The following CLEC9A variants were observed in gnomAD, a reference collection of about 807,000 sequenced individuals.
CLEC9A encodes C-type lectin domain family 9 member A.
In CLEC9A, 24 loss-of-function variants were observed where a neutral mutation model predicts 30.0. The ratio of observed to expected loss-of-function variants is 0.80; its 90% CI spans 0.58 to 1.13. The LOEUF is 1.13. Among genes scored for constraint, CLEC9A ranks in the 50% most tolerant of loss-of-function variants. The probability of loss-of-function intolerance (pLI) is 0.00; values close to 1 mark genes in which losing one functional copy is unlikely to be tolerated. For missense variants in CLEC9A, 251 were observed against 280.9 expected, an observed-to-expected ratio of 0.89 and a Z score of 0.76; for synonymous variants, 111 against 96.8, an observed-to-expected ratio of 1.15 and a Z score of -0.86.
In CLEC9A at chr12:10,063,035, T is replaced by A. The variant is rs370303850; in HGVS notation, c.320-20T>A. On this transcript the variant is annotated intron_variant, in intron 6 of 8. Coordinates refer to ENST00000355819, the MANE Select transcript of CLEC9A (RefSeq NM_207345.4). Reference sequence around the variant, plus strand: ...AATATTTTACAATAAGATACTAAAGTAAAATGTTTATATTCAAAGCCCATA... The same window carrying A: ...AATATTTTACAATAAGATACTAAAGAAAAATGTTTATATTCAAAGCCCATA... 1.9e-6 allele frequency: 3 copies of A among 1,573,488 alleles called. No individual in the cohort carries two copies. Among genetic ancestry groups the A allele is most frequent in the Non-Finnish European group, 2.6e-6 (3 of 1,166,200 alleles).
At chr12:10,031,652 G>C (rs1200908147) in intron 1 of CLEC9A, among the ~76,000 whole-genome samples, 1 of 152,168 alleles carries the variant, frequency 6.6e-6, no homozygotes, top group Non-Finnish European at 1.5e-5. Context: ...ACCAGGTGCA[G>C]TTAGTTACAC....
At chr12:10,042,090 G>A (rs1865802576) in intron 2 of CLEC9A, among the ~76,000 whole-genome samples, 1 of 152,168 alleles carries the variant, frequency 6.6e-6, no homozygotes, top group South Asian at 2.1e-4. Flanking sequence ...TGTATATCCT[G>A]AATTTGTATT....
intron 2 of CLEC9A, among the ~76,000 whole-genome samples, chr12:10,043,713 C>T (rs1448502673): frequency 1.3e-5 from 2 of 151,736 alleles, no homozygotes; most frequent in Non-Finnish European, 2.9e-5. Context: ...GATGGAGTCT[C>T]GCTCTATCAC....
chr12:10,038,031 G>A (rs761990194), intron 1 of CLEC9A, among the ~76,000 whole-genome samples: 63 of 152,224 alleles, frequency 4.1e-4, no homozygotes, highest in South Asian at 2.1e-3. Flanking sequence ...TTCAAGAACA[G>A]AAGCTGTGGT....
intron 2 of CLEC9A, among the ~76,000 whole-genome samples, chr12:10,047,990 T>A (rs1400397504): frequency 1.3e-5 from 2 of 151,586 alleles, no homozygotes; most frequent in Non-Finnish European, 2.9e-5. Context: ...TCCCAGCACT[T>A]TGGGAGGCCG....
In CLEC9A at chr12:10,052,418, C is replaced by T. The variant is rs370481850; in HGVS notation, c.-58-212C>T. ...TCAACATCTGCTACATTTTGGAAAC[C>T]GGATAAAAAAATGTTCTATCATTGG... On this transcript the variant is annotated intron_variant, in intron 3 of 8. Transcript: ENST00000355819. 46 of 911,132 alleles carry T rather than the reference C, an allele frequency of 5.0e-5. 1 individual carries two copies. The highest frequency in any genetic ancestry group is 2.5e-4 in the East Asian group (5 of 19,814). 56.4% of individuals were successfully genotyped at this position (911,132 alleles called of 1,614,324 possible).
intron 2 of CLEC9A, among the ~76,000 whole-genome samples, chr12:10,051,376 C>CG (rs1865891841): frequency 6.6e-6 from 1 of 152,052 alleles, no homozygotes; most frequent in East Asian, 1.9e-4. Context: ...TTAATTGAGC[C>CG]AATAGAAGGC....
chr12:10,050,885 C>G (rs549211960), intron 2 of CLEC9A, among the ~76,000 whole-genome samples: 1 of 152,226 alleles, frequency 6.6e-6, no homozygotes, highest in East Asian at 1.9e-4. Flanking sequence ...ATTCGAATCT[C>G]AGGTCACATG....
At chr12:10,062,635 A>C (rs1415964714) in intron 6 of CLEC9A, among the ~76,000 whole-genome samples, 2 of 152,216 alleles carry the variant, frequency 1.3e-5, no homozygotes, top group African/African-American at 4.8e-5. Context: ...ACATAAATTC[A>C]GGGCTTATTA....
At chr12:10,044,779 A>C (rs572351509) in intron 2 of CLEC9A, among the ~76,000 whole-genome samples, 3 of 152,042 alleles carry the variant, frequency 2.0e-5, no homozygotes, top group African/African-American at 7.2e-5. Context: ...TACTGGCATC[A>C]CCCCACTGAA....
intron 5 of CLEC9A, among the ~76,000 whole-genome samples, chr12:10,057,715 A>G (rs898364590): frequency 2.0e-4 from 30 of 152,160 alleles, no homozygotes; most frequent in African/African-American, 6.7e-4. Context: ...AAGAGTTTCA[A>G]TAGATATAAA....
At chr12:10,061,324 A>G in intron 6 of CLEC9A, 51 bp downstream of exon 6, 1 of 1,482,570 alleles carries the variant, frequency 6.7e-7, no homozygotes, top group South Asian at 1.3e-5. Flanking sequence ...ATATACACCA[A>G]TACCTCAAAA....
intron 2 of CLEC9A, 65 bp downstream of exon 2, chr12:10,041,685 A>T (rs146631157): frequency 1.9e-6 from 1 of 516,344 alleles, no homozygotes; most frequent in Non-Finnish European, 3.9e-6. Flanking sequence ...GTAACATTTG[A>T]CCTTTTTTGT....
At chr12:10,035,816 G>A (rs936910364) in intron 1 of CLEC9A, among the ~76,000 whole-genome samples, 5 of 152,112 alleles carry the variant, frequency 3.3e-5, no homozygotes, top group Admixed American at 3.3e-4. Context: ...TGTTGCACAA[G>A]GTGATCTCAA....
chr12:10,059,707 G>C (rs1348931274), intron 5 of CLEC9A, among the ~76,000 whole-genome samples: 1 of 152,076 alleles, frequency 6.6e-6, no homozygotes, highest in Non-Finnish European at 1.5e-5. Flanking sequence ...AGGAGTTCAA[G>C]ACCATCCTGA....
rs1865803203 is a variant in CLEC9A at position 10,042,168 on chromosome 12, G to T, written c.-163+548G>T. On this transcript the variant is annotated intron_variant, in intron 2 of 8. Coordinates refer to ENST00000355819, the MANE Select transcript of CLEC9A (RefSeq NM_207345.4). ...TTCATGCAATTTTTTTGAGAAAATAGAAAGGTATAGTTGAATTTCAAGTAG... is the reference window on the plus strand; with the variant it reads ...TTCATGCAATTTTTTTGAGAAAATATAAAGGTATAGTTGAATTTCAAGTAG... Among the ~76,000 whole-genome samples, 3 of 152,156 alleles carry T rather than the reference G, an allele frequency of 2.0e-5. No individual in the cohort carries two copies. In the South Asian group the frequency reaches 6.2e-4, roughly 32 times the overall value.
chr12:10,040,366 T>C (rs1235607574), intron 1 of CLEC9A, among the ~76,000 whole-genome samples: 3 of 152,180 alleles, frequency 2.0e-5, no homozygotes, highest in East Asian at 3.8e-4. Flanking sequence ...GTTTTGTGTA[T>C]TTTTAAATTT....
chr12:10,063,265 A>T (rs1866013412), intron 7 of CLEC9A, 59 bp downstream of exon 7: 2 of 1,409,444 alleles, frequency 1.4e-6, no homozygotes, highest in South Asian at 3.4e-5. Flanking sequence ...TTATTAAAAG[A>T]AATCCCTCAT....
At chr12:10,048,305 G>T (rs1865865487) in intron 2 of CLEC9A, among the ~76,000 whole-genome samples, 1 of 151,444 alleles carries the variant, frequency 6.6e-6, no homozygotes, top group Non-Finnish European at 1.5e-5. Flanking sequence ...TTGGGAGGCG[G>T]AGGTTGCAGT....
Sources: gnomAD v4.1 joint callset for allele counts (sites outside exome capture counted in the v4.1 genomes callset) on GRCh38, gnomAD v4.1.1 for gene constraint, MANE v1.5 for transcripts, NCBI Gene and HGNC (gene_info 2026-07-23, HGNC 2026-07-21) for gene names.